Variants in PDGFD observed in about 807,000 individuals in gnomAD.
PDGFD encodes platelet-derived growth factor D.
Under a neutral mutation model 44.7 loss-of-function variants are expected in PDGFD, and 30 were observed. The ratio of observed to expected loss-of-function variants is 0.67; its 90% confidence interval spans 0.50 to 0.91. The LOEUF (loss-of-function observed/expected upper bound fraction) is 0.91. Among genes scored for constraint, PDGFD ranks in the 40% least tolerant of loss-of-function variants. The probability of loss-of-function intolerance (pLI) is 0.00; values close to 1 mark genes in which losing one functional copy is unlikely to be tolerated. For missense variants in PDGFD, 445 were observed against 457.8 expected, an observed-to-expected ratio of 0.97 and a Z score of 0.25; for synonymous variants, 173 against 168.4, an observed-to-expected ratio of 1.03 and a Z score of -0.21.
chr11:104,134,900 T>C (rs1442642535), intron 1 of PDGFD, among the ~76,000 whole-genome samples: 1 of 152,174 alleles, frequency 6.6e-6, no homozygotes, highest in Non-Finnish European at 1.5e-5. Context: ...CATGACTTCC[T>C]ACCTCACTGA....
intron 1 of PDGFD, among the ~76,000 whole-genome samples, chr11:104,112,435 A>T (rs1055646094): frequency 6.6e-6 from 1 of 152,092 alleles, no homozygotes; most frequent in African/African-American, 2.4e-5. Context: ...TGGGAGTGTA[A>T]ATTAGTTCAA....
intron 1 of PDGFD, among the ~76,000 whole-genome samples, chr11:104,021,104 G>C (rs568682333): frequency 6.6e-6 from 1 of 152,238 alleles, no homozygotes; most frequent in Non-Finnish European, 1.5e-5. Context: ...TTATCTTTTT[G>C]TGGATCAAAA....
intron 1 of PDGFD, among the ~76,000 whole-genome samples, chr11:104,020,530 A>G (rs893055195): frequency 6.6e-6 from 1 of 152,170 alleles, no homozygotes; most frequent in Non-Finnish European, 1.5e-5. Flanking sequence ...TGCATTTTAA[A>G]TAGGTAACTT....
At chr11:104,039,361 A>G (rs1387728597) in intron 1 of PDGFD, among the ~76,000 whole-genome samples, 1 of 151,934 alleles carries the variant, frequency 6.6e-6, no homozygotes, top group African/African-American at 2.4e-5. Flanking sequence ...AAGTTATTCT[A>G]TTTTCCCGAC....
chr11:104,015,879 G>A (rs1859852743), intron 1 of PDGFD, among the ~76,000 whole-genome samples: 1 of 152,042 alleles, frequency 6.6e-6, no homozygotes, highest in Non-Finnish European at 1.5e-5. Flanking sequence ...GAGCTCACGT[G>A]GAAACAACAT....
intron 1 of PDGFD, among the ~76,000 whole-genome samples, chr11:104,018,355 G>C (rs895984472): frequency 3.3e-5 from 5 of 152,072 alleles, no homozygotes; most frequent in African/African-American, 9.7e-5. Flanking sequence ...AACATTTTTG[G>C]ACTTGGAGTT....
intron 3 of PDGFD, among the ~76,000 whole-genome samples, chr11:103,956,221 C>T (rs1858844406): frequency 6.6e-6 from 1 of 151,144 alleles, no homozygotes; most frequent in Admixed American, 6.6e-5. Context: ...TCTCCCCCCA[C>T]CCCACAACAG....
chr11:104,140,976 T>G (rs1404182648), intron 1 of PDGFD, among the ~76,000 whole-genome samples: 1 of 152,236 alleles, frequency 6.6e-6, no homozygotes, highest in Non-Finnish European at 1.5e-5. Context: ...GTTCTCCAAT[T>G]CATTTAATGT....
intron 1 of PDGFD, among the ~76,000 whole-genome samples, chr11:104,018,075 CAT>C (rs993031284): frequency 6.6e-6 from 1 of 152,064 alleles, no homozygotes; most frequent in Non-Finnish European, 1.5e-5. Context: ...GAAAATTTAA[CAT>C]GTGCCATTTT....
intron 1 of PDGFD, among the ~76,000 whole-genome samples, chr11:104,062,710 T>A (rs1334144154): frequency 6.6e-6 from 1 of 152,206 alleles, no homozygotes; most frequent in Non-Finnish European, 1.5e-5. Context: ...TAAAAATAAG[T>A]AAATTCAAAG....
At chr11:104,050,966 T>G (rs1465158404) in intron 1 of PDGFD, among the ~76,000 whole-genome samples, 2 of 152,222 alleles carry the variant, frequency 1.3e-5, no homozygotes, top group East Asian at 3.9e-4. Context: ...GATTACAGGC[T>G]GCTAGCCAGG....
At chr11:103,921,690 T>G (rs1858224291) in intron 6 of PDGFD, among the ~76,000 whole-genome samples, 1 of 151,762 alleles carries the variant, frequency 6.6e-6, no homozygotes, top group Non-Finnish European at 1.5e-5. Flanking sequence ...TAAACTGTGA[T>G]AAAATGCAAA....
At chr11:104,135,451 G>A (rs763104635) in intron 1 of PDGFD, among the ~76,000 whole-genome samples, 2 of 152,184 alleles carry the variant, frequency 1.3e-5, no homozygotes, top group African/African-American at 4.8e-5. Flanking sequence ...CCAGAAATAA[G>A]AGAACATGCT....
chr11:104,133,874 T>C (rs963030711), intron 1 of PDGFD, among the ~76,000 whole-genome samples: 2 of 151,976 alleles, frequency 1.3e-5, no homozygotes, highest in Non-Finnish European at 2.9e-5. Context: ...GTATACAGGG[T>C]TCATGCATAT....
intron 1 of PDGFD, among the ~76,000 whole-genome samples, chr11:104,114,879 G>T (rs1230557210): frequency 9.1e-5 from 13 of 142,332 alleles, no homozygotes; most frequent in Admixed American, 7.9e-4. Flanking sequence ...ACATTTTTAG[G>T]TTTTTTTTTT....
chr11:104,048,416 C>G (rs532278485), intron 1 of PDGFD, among the ~76,000 whole-genome samples: 2 of 152,030 alleles, frequency 1.3e-5, no homozygotes, highest in Non-Finnish European at 2.9e-5. Flanking sequence ...ATGAACAAAG[C>G]TACTTCTTTT....
chr11:103,990,305 A>G (rs1028796951), intron 3 of PDGFD, among the ~76,000 whole-genome samples: 2 of 151,870 alleles, frequency 1.3e-5, no homozygotes, highest in African/African-American at 4.8e-5. Flanking sequence ...TGCTTAGTGC[A>G]CTCTTCTTCC....
At chr11:104,092,271 C>T (rs1209438440) in intron 1 of PDGFD, among the ~76,000 whole-genome samples, 3 of 152,178 alleles carry the variant, frequency 2.0e-5, no homozygotes, top group African/African-American at 7.2e-5. Flanking sequence ...CTTATGATTA[C>T]TGCTTACCAG....
intron 1 of PDGFD, among the ~76,000 whole-genome samples, chr11:104,021,631 C>A (rs568992105): frequency 8.6e-4 from 131 of 152,300 alleles, no homozygotes; most frequent in Middle Eastern, 3.4e-3. Context: ...GATCGATATC[C>A]AACCTGACTC....
Sources: gnomAD v4.1 joint callset for allele counts (sites outside exome capture counted in the v4.1 genomes callset) on GRCh38, gnomAD v4.1.1 for gene constraint, MANE v1.5 for transcripts, NCBI Gene and HGNC (gene_info 2026-07-23, HGNC 2026-07-21) for gene names.